BTBD8: variants seen among roughly 807,000 people sequenced by gnomAD.
The protein encoded by BTBD8 is BTB/POZ domain-containing protein 8.
In BTBD8, 110 loss-of-function variants were observed where a neutral mutation model predicts 162.9. The observed-to-expected ratio is 0.68, with a 90% confidence interval of 0.58 to 0.79. The LOEUF (loss-of-function observed/expected upper bound fraction) is 0.79. Among genes scored for constraint, BTBD8 ranks in the 30% least tolerant of loss-of-function variants. The pLI, the probability that BTBD8 is intolerant of heterozygous loss-of-function variation, is 0.00. For synonymous variants in BTBD8, 667 were observed against 716.1 expected, an observed-to-expected ratio of 0.93 and a Z score of 1.10; for missense variants, 1,905 against 2,085.4, an observed-to-expected ratio of 0.91 and a Z score of 1.68.
In BTBD8 at chr1:92,184,190, C is replaced by G; in HGVS notation, c.5239C>G (p.His1747Asp). ...RDSSKPQGIT[H>D]IDTLNRWSEL... ...TAGCTCAAAACCTCAGGGTATAACA[C>G]ATATTGACACTTTGAACAGATGGAG... is the stretch of plus-strand genomic sequence containing the variant. Residue 1747 changes from histidine (H) to aspartate (D), a missense_variant, in exon 18 of 18, where the codon CAT (histidine) becomes GAT (aspartate). By Grantham distance (81) the His-to-Asp change is moderately conservative. Around this residue, in one of 3 missense-constraint regions of BTBD8, gnomAD observed 517 missense variants for 606.6 expected, o/e 0.85. Coordinates refer to ENST00000636805, the MANE Select transcript of BTBD8 (RefSeq NM_001376131.1). 1 of 1,551,536 alleles carries G rather than the reference C, an allele frequency of 6.4e-7. No individual in the cohort carries two copies. The highest frequency in any genetic ancestry group is 1.4e-5 in the African/African-American group (1 of 73,172).
At chr1:92,155,089 G>A (rs1650130909) in intron 9 of BTBD8, among the ~76,000 whole-genome samples, 1 of 152,074 alleles carries the variant, frequency 6.6e-6, no homozygotes, top group South Asian at 2.1e-4. Flanking sequence ...GTATTTCTGG[G>A]CTCTCTGTTC....
intron 4 of BTBD8, among the ~76,000 whole-genome samples, chr1:92,111,892 A>G (rs186678466): frequency 6.6e-6 from 1 of 152,350 alleles, no homozygotes; most frequent in African/African-American, 2.4e-5. Context: ...TGAGGCAACA[A>G]AAAAGCAGAG....
rs544794583 is a variant in BTBD8, at chr1:92,102,807, T to C, written c.544+138T>C. On this transcript the variant is annotated intron_variant, in intron 3 of 17. Coordinates refer to ENST00000636805, the MANE Select transcript of BTBD8 (RefSeq NM_001376131.1). ...GCATGGAGAACTGAAAACACTAGTA[T>C]TGTTAACTCCCAGTTTTTCCCAAGT... 1.8e-4 allele frequency: 131 copies of C among 719,414 alleles called. 1 individual carries two copies. The highest frequency in any genetic ancestry group is 3.5e-4 in the South Asian group (7 of 20,220). The allele number at this position is 719,414 out of a possible 1,614,324, so 44.6% of individuals were successfully genotyped here.
At chr1:92,170,842 T>G (rs1040322678) in intron 12 of BTBD8, among the ~76,000 whole-genome samples, 11 of 143,708 alleles carry the variant, frequency 7.7e-5, no homozygotes, top group African/African-American at 2.9e-4. Flanking sequence ...AAATGAATTT[T>G]TATTTAATTA....
chr1:92,159,350 A>AT (rs1055208402), intron 9 of BTBD8, among the ~76,000 whole-genome samples: 3 of 151,098 alleles, frequency 2.0e-5, no homozygotes, highest in Non-Finnish European at 4.4e-5. Context: ...AATTTTTTGT[A>AT]TTTTTTTGTA....
In BTBD8 at chr1:92,180,528, A is replaced by G. The variant is rs895471108; in HGVS notation, c.2845A>G (p.Lys949Glu). 33 of 1,551,514 alleles carry G rather than the reference A, an allele frequency of 2.1e-5. No individual in the cohort carries two copies. The highest frequency in any genetic ancestry group is 2.9e-5 in the Non-Finnish European group (33 of 1,146,954). The change falls in exon 17 of 18, where the codon AAA becomes GAA. Residue 949 changes from lysine to glutamate, a missense_variant. Lys to Glu is a moderately conservative substitution (Grantham distance 56). Around this residue, in one of 3 missense-constraint regions of BTBD8, gnomAD observed 1,374 missense variants for 1,442.7 expected, o/e 0.95. Coordinates refer to ENST00000636805, the MANE Select transcript of BTBD8 (RefSeq NM_001376131.1). The part of the protein sequence containing the change: ...QKMPPGQVIS[K>E]TQPSSQRPLK... The stretch of plus-strand genomic sequence containing the variant: ...AATGCCTCCTGGACAGGTTATATCA[A>G]AAACTCAGCCTTCCTCCCAAAGACC...
chr1:92,144,229 C>T (rs997388762), intron 7 of BTBD8, among the ~76,000 whole-genome samples: 8 of 151,858 alleles, frequency 5.3e-5, no homozygotes, highest in Admixed American at 2.6e-4. Flanking sequence ...CCGCCTTGGC[C>T]TCCCAAAGTG....
At chr1:92,115,394 A>AT in intron 4 of BTBD8, 1 of 484,852 alleles carries the variant, frequency 2.1e-6, no homozygotes, top group Non-Finnish European at 4.1e-6. Flanking sequence ...TATACTTCTT[A>AT]TGGCTCATGC....
intron 9 of BTBD8, among the ~76,000 whole-genome samples, chr1:92,159,221 G>A (rs779690501): frequency 4.7e-5 from 7 of 149,926 alleles, no homozygotes; most frequent in Non-Finnish European, 8.9e-5. Context: ...CGCCTAGGCT[G>A]GAGTGCAGTG....
Position 92,147,246 on chromosome 1 carries a change from A to G in BTBD8, c.997A>G (p.Ser333Gly), listed in dbSNP as rs768852213. Residue 333 changes from serine to glycine, a missense_variant, in exon 8 of 18, where the codon AGT becomes GGT. Around this residue, in one of 3 missense-constraint regions of BTBD8, gnomAD observed 1,374 missense variants for 1,442.7 expected, o/e 0.95. Transcript: ENST00000636805. ...LIIAHSVGVE[S>G]LFADCMKWIV... ...TATTGCTCATTCAGTTGGAGTGGAA[A>G]GTCTTTTTGCTGACTGCATGAAGTA... is the stretch of plus-strand genomic sequence containing the variant. 6.2e-5 allele frequency: 100 copies of G among 1,611,438 alleles called. No individual in the cohort carries two copies. The highest frequency in any genetic ancestry group is 7.6e-5 in the Non-Finnish European group (90 of 1,178,440).
At chr1:92,129,036 T>C (rs1275763799) in intron 4 of BTBD8, among the ~76,000 whole-genome samples, 1 of 152,158 alleles carries the variant, frequency 6.6e-6, no homozygotes, top group Non-Finnish European at 1.5e-5. Flanking sequence ...TGTTAAAAAT[T>C]TTTAAATTTC....
chr1:92,125,446 A>G (rs1474035546), intron 4 of BTBD8: 1 of 303,558 alleles, frequency 3.3e-6, no homozygotes, highest in Non-Finnish European at 6.5e-6. Flanking sequence ...GACTAATGGC[A>G]TTCCTCAGGG....
Position 92,177,834 on chromosome 1 carries a change from A to C in BTBD8, c.2377A>C (p.Arg793=). 1.3e-6 allele frequency: 2 copies of C among 1,541,132 alleles called. No homozygotes were observed. The highest frequency in any genetic ancestry group is 1.8e-6 in the Non-Finnish European group (2 of 1,138,064). ...TVAIKSRPVS[R]VTNGTSNKKS... ...AGCCATAAAATCTCGACCTGTTTCAAGAGTTACCAATGGAACTTCCAATAA... is the reference window on the plus strand; with the variant it reads ...AGCCATAAAATCTCGACCTGTTTCACGAGTTACCAATGGAACTTCCAATAA... The change falls in exon 15 of 18, where the codon AGA becomes CGA. Residue 793 remains arginine (R), a synonymous_variant. Coordinates refer to ENST00000636805, the MANE Select transcript of BTBD8 (RefSeq NM_001376131.1).
Position 92,177,266 on chromosome 1 carries a change from C to A in BTBD8, c.2073C>A (p.Ala691=), listed in dbSNP as rs1287060097. The change falls in exon 14 of 18, where the codon GCC becomes GCA. Residue 691 remains alanine, a synonymous_variant. Coordinates refer to ENST00000636805, the MANE Select transcript of BTBD8 (RefSeq NM_001376131.1). ...VRNQEGQISG[A]RPKVLTGNLN... ...ATCAGGAAGGGCAAATTTCAGGTGCCAGACCCAAGGTACTCACAGGAAACT... is the reference window on the plus strand; with the variant it reads ...ATCAGGAAGGGCAAATTTCAGGTGCAAGACCCAAGGTACTCACAGGAAACT... The A allele has an allele frequency of 6.4e-7, 1 of 1,551,944 alleles. No homozygotes were observed. Among genetic ancestry groups the A allele is most frequent in the African/African-American group, 1.4e-5 (1 of 73,034 alleles).
At chr1:92,091,467 G>A (rs1648298015) in intron 2 of BTBD8, among the ~76,000 whole-genome samples, 1 of 151,940 alleles carries the variant, frequency 6.6e-6, no homozygotes, top group Non-Finnish European at 1.5e-5. Context: ...GTGTGTGTAT[G>A]TGTATGTGTG....
chr1:92,112,170 G>A (rs1648914234), intron 4 of BTBD8, among the ~76,000 whole-genome samples: 1 of 152,156 alleles, frequency 6.6e-6, no homozygotes, highest in African/African-American at 2.4e-5. Flanking sequence ...AGCACTCTGG[G>A]AGGCTGAGAC....
intron 13 of BTBD8, among the ~76,000 whole-genome samples, chr1:92,174,575 A>C (rs1378121505): frequency 6.6e-6 from 1 of 152,190 alleles, no homozygotes; most frequent in Non-Finnish European, 1.5e-5. Flanking sequence ...GGTGGGAAGG[A>C]GTTCTAAAAG....
At chr1:92,171,907 A>G (rs576724609) in intron 13 of BTBD8, among the ~76,000 whole-genome samples, 11 of 152,292 alleles carry the variant, frequency 7.2e-5, no homozygotes, top group African/African-American at 2.6e-4. Context: ...CCAGGCCAAC[A>G]TGGTGAAACC....
In BTBD8 at chr1:92,107,904, G is replaced by A. The variant is rs768069019; in HGVS notation, c.565G>A (p.Ala189Thr). 1.2e-6 allele frequency: 2 copies of A among 1,613,488 alleles called. No homozygotes were observed. Among genetic ancestry groups the A allele is most frequent in the South Asian group, 1.1e-5 (1 of 90,960 alleles). ...TAAAGATAATTATGACTTGGAGCCT[G>A]CATCTGAATTAGGAGAAGATTTATT... is the stretch of plus-strand genomic sequence containing the variant. The part of the protein sequence containing the change: ...ISNDNYDLEP[A>T]SELGEDLLKL... Residue 189 changes from alanine (A) to threonine (T), a missense_variant, in exon 4 of 18, where the codon GCA becomes ACA. Around this residue, in one of 3 missense-constraint regions of BTBD8, gnomAD observed 1,374 missense variants for 1,442.7 expected, o/e 0.95. Transcript: ENST00000636805.
Sources: allele counts gnomAD v4.1 joint callset (sites outside exome capture counted in the v4.1 genomes callset), GRCh38; gene constraint gnomAD v4.1.1; regional missense constraint gnomAD v4.1.1; transcripts MANE v1.5; gene names NCBI Gene and HGNC (gene_info 2026-07-23, HGNC 2026-07-21).